Variants in SLC24A3 observed in about 807,000 individuals in gnomAD.
SLC24A3 encodes solute carrier family 24 member 3.
SLC24A3 carries 28 observed loss-of-function variants against 75.8 expected under a neutral mutation model. The observed-to-expected ratio is 0.37, with a 90% CI of 0.27 to 0.51. SLC24A3 has a LOEUF of 0.51. SLC24A3 is among the 20% of genes least tolerant of loss of function. The pLI is 0.94. For missense variants in SLC24A3, 663 were observed against 847.8 expected (o/e 0.78, Z 2.71); for synonymous variants, 372 against 334.1 (o/e 1.11, Z -1.24).
chr20:19,604,042 G>A (rs920926383), intron 6 of SLC24A3, among the ~76,000 whole-genome samples: 3 of 152,146 alleles, frequency 2.0e-5, no homozygotes, highest in South Asian at 4.1e-4. Context: ...TTACTCCATC[G>A]GTGAGTATCT....
intron 13 of SLC24A3, chr20:19,694,897 G>A (rs1277250862): frequency 6.6e-6 from 1 of 152,246 alleles, no homozygotes; most frequent in African/African-American, 2.4e-5. Context: ...GACTGGCTGA[G>A]CCAAACCAGG....
At chr20:19,593,497 G>C (rs149616561) in intron 6 of SLC24A3, among the ~76,000 whole-genome samples, 1 of 152,266 alleles carries the variant, frequency 6.6e-6, no homozygotes, top group African/African-American at 2.4e-5. Context: ...GCACTGTCTC[G>C]CAGCGTTACA....
At chr20:19,513,558 G>A (rs2029923037) in intron 2 of SLC24A3, among the ~76,000 whole-genome samples, 1 of 152,152 alleles carries the variant, frequency 6.6e-6, no homozygotes, top group South Asian at 2.1e-4. Context: ...GCTTCTCCCA[G>A]TTTATTCATT....
intron 1 of SLC24A3, among the ~76,000 whole-genome samples, chr20:19,280,440 G>A (rs974917350): frequency 4.6e-5 from 7 of 152,132 alleles, no homozygotes; most frequent in African/African-American, 1.7e-4. Flanking sequence ...ACTGGCAGGG[G>A]CTAGACCTCG....
chr20:19,376,979 A>T (rs1399240393), intron 2 of SLC24A3, among the ~76,000 whole-genome samples: 3 of 152,204 alleles, frequency 2.0e-5, no homozygotes, highest in Non-Finnish European at 4.4e-5. Context: ...TAGCAGAGGA[A>T]ATGCCACCGG....
intron 2 of SLC24A3, among the ~76,000 whole-genome samples, chr20:19,322,066 G>A (rs1984720415): frequency 6.6e-6 from 1 of 152,054 alleles, no homozygotes; most frequent in East Asian, 1.9e-4. Flanking sequence ...CACTTCAGGA[G>A]CCACACGATG....
In SLC24A3 at chr20:19,302,266, T is replaced by C. The variant is rs546926023; in HGVS notation, c.271+21179T>C. ...GGGCTGGGGCTGTTTTGCTCACTAG[T>C]AGATCGCCAAGCTGTAGAGAGTACT... On this transcript the variant is annotated intron_variant, in intron 2 of 16. Coordinates refer to ENST00000328041, the MANE Select transcript of SLC24A3 (RefSeq NM_020689.4). Among the ~76,000 whole-genome samples the C allele has an allele frequency of 1.4e-4, 22 of 152,320 alleles. No homozygotes were observed. The South Asian group carries it at 3.5e-3, about 24-fold the overall frequency.
At chr20:19,373,428 C>T (rs1986025228) in intron 2 of SLC24A3, among the ~76,000 whole-genome samples, 1 of 152,148 alleles carries the variant, frequency 6.6e-6, no homozygotes, top group East Asian at 1.9e-4. Flanking sequence ...TTTTCTCTAC[C>T]TTTTGGAGGT....
At chr20:19,245,856 G>A (rs1189450741) in intron 1 of SLC24A3, among the ~76,000 whole-genome samples, 2 of 151,968 alleles carry the variant, frequency 1.3e-5, no homozygotes, top group African/African-American at 4.8e-5. Context: ...GAAGATATAA[G>A]AAGAAACAAC....
rs528406606 is a variant in SLC24A3, at chr20:19,309,631, T to C, written c.271+28544T>C. ...CTCCTCTTTGGGAGGGATAACAAGA[T>C]GTTAACTTTAGTTTGTCAAAGCTTC... is the stretch of plus-strand genomic sequence containing the variant. On this transcript the variant is annotated intron_variant, in intron 2 of 16. Coordinates refer to ENST00000328041, the MANE Select transcript of SLC24A3 (RefSeq NM_020689.4). Among the ~76,000 whole-genome samples the C allele has an allele frequency of 3.3e-5, 5 of 152,280 alleles. No homozygotes were observed. In the East Asian group the frequency reaches 9.7e-4, roughly 29 times the overall value.
intron 2 of SLC24A3, among the ~76,000 whole-genome samples, chr20:19,346,332 G>GTGTA (rs1985424256): frequency 2.0e-5 from 1 of 49,826 alleles, no homozygotes; most frequent in African/African-American, 1.0e-4. Context: ...TATATATGGT[G>GTGTA]TATATATATA....
chr20:19,343,086 A>AG (rs1484677307), intron 2 of SLC24A3, among the ~76,000 whole-genome samples: 16 of 133,470 alleles, frequency 1.2e-4, no homozygotes, highest in South Asian at 4.4e-4. Context: ...AAAAAAAAAG[A>AG]AAAAAGAAAA....
rs1981438669 is a variant in SLC24A3, at chr20:19,212,804, G to C, written c.-39G>C. 1.1e-5 allele frequency: 11 copies of C among 979,038 alleles called. No individual in the cohort carries two copies. The South Asian group carries it at 4.6e-4, about 41-fold the overall frequency. The allele number at this position is 979,038 out of a possible 1,614,324, so 60.6% of individuals were successfully genotyped here. A position where few individuals can be genotyped will look rare whatever the true frequency, so the allele number is the denominator to read the frequency against. ...CGCCGCGGCCGCCCGCGACAGGAGC[G>C]GCCGCCGCCCGCCGAGGCCGCCGCC... On this transcript the variant is annotated 5_prime_UTR_variant, in exon 1 of 17. Transcript: ENST00000328041.
intron 11 of SLC24A3, among the ~76,000 whole-genome samples, chr20:19,684,888 G>C (rs1373731258): frequency 1.3e-5 from 2 of 152,198 alleles, no homozygotes; most frequent in Non-Finnish European, 2.9e-5. Context: ...GGATTTGCAA[G>C]TTCTGATGGG....
intron 2 of SLC24A3, among the ~76,000 whole-genome samples, chr20:19,437,769 G>A (rs1987231399): frequency 6.6e-6 from 1 of 152,110 alleles, no homozygotes; most frequent in Admixed American, 6.5e-5. Context: ...GGGGTGCCAG[G>A]GAGCTCCTGT....
intron 6 of SLC24A3, among the ~76,000 whole-genome samples, chr20:19,604,014 A>G (rs1411306021): frequency 6.6e-6 from 1 of 152,216 alleles, no homozygotes; most frequent in Non-Finnish European, 1.5e-5. Context: ...CCCGGGCAGC[A>G]CAGTGTGGTC....
At chr20:19,445,151 A>G (rs1374655596) in intron 2 of SLC24A3, among the ~76,000 whole-genome samples, 1 of 152,212 alleles carries the variant, frequency 6.6e-6, no homozygotes, top group Admixed American at 6.6e-5. Flanking sequence ...ACAGCGTTAC[A>G]CATAATATGG....
At chr20:19,582,085 G>A (rs1349636101) in intron 4 of SLC24A3, among the ~76,000 whole-genome samples, 1 of 152,158 alleles carries the variant, frequency 6.6e-6, no homozygotes, top group Non-Finnish European at 1.5e-5. Flanking sequence ...ATGATGGGTG[G>A]GCTGAGGTCA....
intron 3 of SLC24A3, among the ~76,000 whole-genome samples, chr20:19,531,824 G>A (rs1021394000): frequency 6.6e-6 from 1 of 152,188 alleles, no homozygotes; most frequent in African/African-American, 2.4e-5. Context: ...AAGCCCCCGC[G>A]TGGAGATCAG....
Sources: gnomAD v4.1 joint callset for allele counts (sites outside exome capture counted in the v4.1 genomes callset) on GRCh38, gnomAD v4.1.1 for gene constraint, MANE v1.5 for transcripts, NCBI Gene and HGNC (gene_info 2026-07-23, HGNC 2026-07-21) for gene names.